The following HOXD3 variants were observed in gnomAD, a reference collection of about 807,000 sequenced individuals.
HOXD3 encodes homeobox protein Hox-D3.
Under a neutral mutation model 32.8 loss-of-function variants are expected in HOXD3, and 13 were observed. The observed-to-expected ratio is 0.40, with a 90% CI of 0.26 to 0.63. The LOEUF (loss-of-function observed/expected upper bound fraction) is 0.63. Among genes scored for constraint, HOXD3 ranks in the 20% least tolerant of loss-of-function variants. The probability of loss-of-function intolerance (pLI) is 0.44; values close to 1 mark genes in which losing one functional copy is unlikely to be tolerated. For missense variants in HOXD3, 504 were observed against 577.1 expected (o/e 0.87, Z 1.30); for synonymous variants, 241 against 246.8 (o/e 0.98, Z 0.22).
rs1408106258 is a variant in HOXD3, at chr2:176,172,070, C to T, written c.1095C>T (p.Ser365=). The T allele has an allele frequency of 6.2e-7, 1 of 1,610,552 alleles. No homozygotes were observed. The highest frequency in any genetic ancestry group is 1.7e-4 in the Middle Eastern group (1 of 6,056). The change falls in exon 4 of 4, where the codon TCC becomes TCT. Residue 365 remains serine, a synonymous_variant. Transcript: ENST00000683222. ...ACGTGGGCGGCAACTTCGTCGAGTC[C>T]ATGGCGCCCGCGTCCGGGCCTGTCT... ...PVYVGGNFVE[S]MAPASGPVFN... is the part of the protein sequence containing the mutation.
chr2:176,172,049 G>A lies in HOXD3; in HGVS notation c.1074G>A (p.Val358=). 3 of 1,609,052 alleles carry A rather than the reference G, an allele frequency of 1.9e-6. No homozygotes were observed. Among genetic ancestry groups the A allele is most frequent in the Non-Finnish European group, 2.5e-6 (3 of 1,179,032 alleles). Residue 358 remains valine (V), a synonymous_variant, in exon 4 of 4, where the codon GTG becomes GTA. Transcript: ENST00000683222. ...SANLQGSPVY[V]GGNFVESMAP... ...ACTTGCAGGGCAGCCCGGTGTACGTGGGCGGCAACTTCGTCGAGTCCATGG... is the reference window on the plus strand; with the variant it reads ...ACTTGCAGGGCAGCCCGGTGTACGTAGGCGGCAACTTCGTCGAGTCCATGG...
At chr2:176,154,301 T>C (rs1690602203), upstream of HOXD3, among the ~76,000 whole-genome samples, 1 of 152,172 alleles carries the variant, frequency 6.6e-6, no homozygotes, top group African/African-American at 2.4e-5. Flanking sequence ...TCGTTTTTCT[T>C]CTGCCTCTCC....
Position 176,172,440 on chromosome 2 carries a change from C to T in HOXD3, c.*166C>T. 1 of 633,222 alleles carries T rather than the reference C, an allele frequency of 1.6e-6. No homozygotes were observed. The highest frequency in any genetic ancestry group is 2.7e-6 in the Non-Finnish European group (1 of 373,806). The allele number at this position is 633,222 out of a possible 1,614,324, so 39.2% of individuals were successfully genotyped here. ...GCGGCGGAGGCGCAGGCGACCGGGC[C>T]TCCCCTCCATGGGCGTCCTTTGGGT... On this transcript the variant is annotated 3_prime_UTR_variant, in exon 4 of 4. Transcript: ENST00000683222.
At chr2:176,157,822 A>G (rs1690681139) in intron 1 of HOXD3, among the ~76,000 whole-genome samples, 1 of 151,762 alleles carries the variant, frequency 6.6e-6, no homozygotes, top group African/African-American at 2.4e-5. Flanking sequence ...GTTGTAAAAA[A>G]CCGGCCCGGC....
In HOXD3 at chr2:176,172,272, T is replaced by C; in HGVS notation, c.1297T>C (p.Ter433GlnextTer20). 1.3e-6 allele frequency: 2 copies of C among 1,590,644 alleles called. No homozygotes were observed. The highest frequency in any genetic ancestry group is 1.7e-6 in the Non-Finnish European group (2 of 1,171,512). Reference sequence around the variant, plus strand: ...GGAGGCTCCCAAACTGACGCATCTGTAGCGGCCGCCGCCAGCCCGAACTCG... The same window carrying C: ...GGAGGCTCCCAAACTGACGCATCTGCAGCGGCCGCCGCCAGCCCGAACTCG... ...LPEAPKLTHL[*>Q] The change falls in exon 4 of 4, where the codon TAG becomes CAG. Residue 433 changes from the stop codon to glutamine (Q), a stop_lost. Transcript: ENST00000683222.
intron 1 of HOXD3, among the ~76,000 whole-genome samples, chr2:176,158,365 G>T (rs1032484356): frequency 4.6e-5 from 7 of 152,170 alleles, no homozygotes; most frequent in African/African-American, 1.7e-4. Context: ...TGTCCTAAGA[G>T]CCACTCCGCT....
At chr2:176,170,924 G>GT (rs144893170) in intron 3 of HOXD3, among the ~76,000 whole-genome samples, 9 of 151,430 alleles carry the variant, frequency 5.9e-5, no homozygotes, top group East Asian at 1.9e-4. Context: ...TGTTTGGTTG[G>GT]TTTTTTTTTA....
rs1224767647 is a variant in HOXD3 at position 176,171,517 on chromosome 2, GAGA to G, written c.543_545del (p.Glu182del). Reference sequence around the variant, plus strand: ...CCTCCCTCTCTCCCTCCCTGCCCAGGAGAGAGCTGCGAGGACAAGAGCCCGCCA... The same window carrying G: ...CCTCCCTCTCTCCCTCCCTGCCCAGGGAGCTGCGAGGACAAGAGCCCGCCA... On this transcript the variant is annotated inframe_deletion and splice_region_variant, in exon 4 of 4. Coordinates refer to ENST00000683222, the MANE Select transcript of HOXD3 (RefSeq NM_006898.5). 6.3e-7 allele frequency: 1 copy of G among 1,580,130 alleles called. No individual in the cohort carries two copies. The highest frequency in any genetic ancestry group is 1.3e-5 in the African/African-American group (1 of 74,614).
At chr2:176,160,021 G>A (rs1322287647) in intron 1 of HOXD3, among the ~76,000 whole-genome samples, 1 of 152,224 alleles carries the variant, frequency 6.6e-6, no homozygotes, top group African/African-American at 2.4e-5. Flanking sequence ...CAGAAGTGGC[G>A]GTGACTCGGC....
At chr2:176,153,823 TTAAAG>T (rs1461693263), upstream of HOXD3, among the ~76,000 whole-genome samples, 2 of 152,266 alleles carry the variant, frequency 1.3e-5, no homozygotes, top group African/African-American at 4.8e-5. Flanking sequence ...TTCTGGGTGA[TTAAAG>T]GAAAGGGAAA....
intron 2 of HOXD3, among the ~76,000 whole-genome samples, chr2:176,168,274 A>AAAAC (rs1553522194): frequency 2.0e-5 from 3 of 149,918 alleles, no homozygotes; most frequent in African/African-American, 7.5e-5. Flanking sequence ...AAAAAAAAAA[A>AAAAC]AAAAAACTAA....
At chr2:176,171,381 C>A in intron 3 of HOXD3, 136 bp from the exon 4 acceptor site, 2 of 795,258 alleles carry the variant, frequency 2.5e-6, no homozygotes, top group Non-Finnish European at 3.9e-6. Flanking sequence ...ACCTCTCAAA[C>A]GGCCCTTCCC....
intron 1 of HOXD3, among the ~76,000 whole-genome samples, chr2:176,162,169 T>G (rs1297609974): frequency 6.6e-6 from 1 of 152,270 alleles, no homozygotes; most frequent in Non-Finnish European, 1.5e-5. Context: ...TCTCCTGCGC[T>G]TGGCTTCATC....
chr2:176,152,632 A>G, upstream of HOXD3: 1 of 1,614,012 alleles, frequency 6.2e-7, no homozygotes, highest in South Asian at 1.1e-5. This position sits in a 1 kb window ranked among gnomAD's most constrained non-coding sequence, Gnocchi z 5.2. Context: ...ACCGGTGGGG[A>G]ACCCAAGCGG....
chr2:176,156,985 A>G (rs1239500943), upstream of HOXD3, among the ~76,000 whole-genome samples: 1 of 151,926 alleles, frequency 6.6e-6, no homozygotes, highest in Non-Finnish European at 1.5e-5. Flanking sequence ...GTGCCCACCA[A>G]TACATCAATA....
chr2:176,152,617 A>G (rs369822828), upstream of HOXD3: 620 of 1,613,846 alleles, frequency 3.8e-4, 6 homozygotes, highest in South Asian at 5.5e-3. This position sits in a 1 kb window ranked among gnomAD's most constrained non-coding sequence, Gnocchi z 5.2. Flanking sequence ...GTGAACCCCA[A>G]CTACACCGGT....
chr2:176,167,686 C>CTT (rs56761217), intron 2 of HOXD3, among the ~76,000 whole-genome samples: 60 of 108,886 alleles, frequency 5.5e-4, no homozygotes, highest in South Asian at 4.0e-3. Context: ...GGGGGAGACC[C>CTT]TTTTTTTTTT....
At chr2:176,162,409 G>A (rs904307338) in intron 1 of HOXD3, among the ~76,000 whole-genome samples, 7 of 152,190 alleles carry the variant, frequency 4.6e-5, no homozygotes, top group Non-Finnish European at 2.9e-5. Context: ...TAGGGTTGGG[G>A]CTGCCTGGAC....
intron 1 of HOXD3, among the ~76,000 whole-genome samples, chr2:176,162,925 AT>A (rs1162117052): frequency 6.6e-6 from 1 of 152,220 alleles, no homozygotes; most frequent in East Asian, 1.9e-4. Context: ...TGAATGTATT[AT>A]ATAAAGCAGC....
Sources: gnomAD v4.1 joint callset for allele counts (sites outside exome capture counted in the v4.1 genomes callset) on GRCh38, gnomAD v4.1.1 for gene constraint, Gnocchi (gnomAD v3.1) non-coding constraint, MANE v1.5 for transcripts, NCBI Gene and HGNC (gene_info 2026-07-23, HGNC 2026-07-21) for gene names.